The following NINL variants were observed in gnomAD, a reference collection of about 807,000 sequenced individuals.
NINL encodes the protein ninein like, also known as ninein-like protein.
A neutral mutation model predicts 160.3 loss-of-function variants in NINL; 153 were observed. The ratio of observed to expected loss-of-function variants is 0.95; its 90% CI spans 0.84 to 1.09. The LOEUF is 1.09. Ranked by LOEUF, NINL falls within the 50% of genes least tolerant of loss-of-function variation. The pLI is 0.00. For missense variants in NINL, 1,829 were observed against 1,764.0 expected (o/e 1.04, Z -0.66); for synonymous variants, 800 against 734.8 (o/e 1.09, Z -1.43).
At chr20:25,472,553 T>C (rs1446299248) in intron 17 of NINL, among the ~76,000 whole-genome samples, 7 of 148,484 alleles carry the variant, frequency 4.7e-5, no homozygotes, top group East Asian at 2.0e-4. Flanking sequence ...TTTTTTTTTT[T>C]CCCTTTTGCT....
intron 10 of NINL, among the ~76,000 whole-genome samples, chr20:25,495,396 G>A (rs2063731474): frequency 6.6e-6 from 1 of 152,202 alleles, no homozygotes; most frequent in African/African-American, 2.4e-5. Flanking sequence ...GCTCTTCTTT[G>A]CTAGCCACGC....
rs138226471 is a variant in NINL at position 25,477,469 on chromosome 20, T to G, written c.2202-380A>C. On this transcript the variant is annotated intron_variant, in intron 16 of 23. Transcript: ENST00000278886. The stretch of plus-strand genomic sequence containing the variant: ...ACATACGACGTGGCCCACACTGCAG[T>G]GGGTTCTACACGATAGCGCTGGAGA... Among the ~76,000 whole-genome samples, 593 of 152,252 alleles carry G rather than the reference T, an allele frequency of 3.9e-3. 3 individuals carry two copies. The highest frequency in any genetic ancestry group is 0.014 in the African/African-American group (568 of 41,546).
intron 5 of NINL, among the ~76,000 whole-genome samples, chr20:25,505,309 G>T (rs779427889): frequency 6.8e-6 from 1 of 147,850 alleles, no homozygotes; most frequent in Non-Finnish European, 1.5e-5. Flanking sequence ...GGTGGCTACA[G>T]AGCTGGGTGG....
At position 25,553,103 on chromosome 20, in the gene NINL, G is replaced by GTTTTTTTTTTTTT. The variant is rs760131174; in HGVS notation, c.-11-26506_-11-26505insAAAAAAAAAAAAA. On this transcript the variant is annotated intron_variant, in intron 1 of 23. Coordinates refer to ENST00000278886, the MANE Select transcript of NINL (RefSeq NM_025176.6). ...TGGAAGTTACTTCTCACCCTTGTTG[G>GTTTTTTTTTTTTT]GTTTTTTTTTTTTTTTTTGGAGATG... is the stretch of plus-strand genomic sequence containing the variant. 1.0e-4 allele frequency among the ~76,000 whole-genome samples: 6 copies of GTTTTTTTTTTTTT among 58,048 alleles called. 1 individual carries two copies. Among genetic ancestry groups the GTTTTTTTTTTTTT allele is most frequent in the South Asian group, 4.6e-4 (1 of 2,166 alleles). The allele number at this position is 58,048 out of a possible 152,430, so 38.1% of individuals were successfully genotyped here. A position where few individuals can be genotyped will look rare whatever the true frequency, so the allele number is the denominator to read the frequency against.
intron 13 of NINL, 66 bp downstream of exon 13, chr20:25,489,178 A>C (rs1228637856): frequency 6.9e-7 from 1 of 1,442,372 alleles, no homozygotes; most frequent in Non-Finnish European, 9.8e-7. Flanking sequence ...GTTACTGTGG[A>C]CCACCTGCGT....
chr20:25,555,951 A>G (rs1442293668), intron 1 of NINL, among the ~76,000 whole-genome samples: 2 of 151,244 alleles, frequency 1.3e-5, no homozygotes, highest in African/African-American at 4.9e-5. Flanking sequence ...CTGGGATTAT[A>G]AGCGTGAGCC....
chr20:25,556,599 T>C (rs1208520281), intron 1 of NINL, among the ~76,000 whole-genome samples: 2 of 151,828 alleles, frequency 1.3e-5, no homozygotes, highest in African/African-American at 4.8e-5. Context: ...TACTCCAACC[T>C]AGGCAACAGG....
chr20:25,565,136 C>T (rs142845869), intron 1 of NINL, among the ~76,000 whole-genome samples: 1 of 152,266 alleles, frequency 6.6e-6, no homozygotes, highest in Middle Eastern at 3.4e-3. Flanking sequence ...AAAATAAATC[C>T]CCCACTCTTC....
Position 25,559,279 on chromosome 20 carries a change from T to C in NINL, c.-12+26176A>G, listed in dbSNP as rs558600580. Among the ~76,000 whole-genome samples the C allele has an allele frequency of 1.6e-4, 25 of 152,290 alleles. No individual in the cohort carries two copies. In the South Asian group the frequency reaches 5.2e-3, roughly 32 times the overall value. On this transcript the variant is annotated intron_variant, in intron 1 of 23. Transcript: ENST00000278886. ...TTCTTTGAGATGGAGTCTCACTCTG[T>C]CGCCAGGCTGGAGTGCAGTGGCGCG...
intron 1 of NINL, among the ~76,000 whole-genome samples, chr20:25,581,019 T>C (rs2065168806): frequency 6.6e-6 from 1 of 152,258 alleles, no homozygotes; most frequent in African/African-American, 2.4e-5. Flanking sequence ...CGCTATTACC[T>C]GCAGCTAGGA....
intron 2 of NINL, among the ~76,000 whole-genome samples, chr20:25,519,327 C>T (rs2064221996): frequency 6.6e-6 from 1 of 152,082 alleles, no homozygotes; most frequent in Non-Finnish European, 1.5e-5. Context: ...TCACAAAATA[C>T]TATTTTTGGT....
At chr20:25,542,768 T>C (rs1189207123) in intron 1 of NINL, among the ~76,000 whole-genome samples, 1 of 113,064 alleles carries the variant, frequency 8.8e-6, no homozygotes, top group South Asian at 3.2e-4. Flanking sequence ...TGGTGGCTCA[T>C]GCCTATAATC....
intron 3 of NINL, among the ~76,000 whole-genome samples, chr20:25,516,440 T>C (rs1393891213): frequency 6.6e-6 from 1 of 152,198 alleles, no homozygotes; most frequent in Admixed American, 6.5e-5. Flanking sequence ...TCCGAACAGT[T>C]TGTTGTTTCT....
chr20:25,555,355 T>A (rs1159767556), intron 1 of NINL, among the ~76,000 whole-genome samples: 3 of 152,202 alleles, frequency 2.0e-5, no homozygotes, highest in Non-Finnish European at 4.4e-5. Context: ...TTTTGATGGA[T>A]ATAGCCAAAT....
chr20:25,542,296 T>G (rs1179604925), intron 1 of NINL, among the ~76,000 whole-genome samples: 1 of 152,110 alleles, frequency 6.6e-6, no homozygotes, highest in Non-Finnish European at 1.5e-5. Context: ...CTTTGTCAGG[T>G]CACTGGCTGA....
At chr20:25,463,139 C>T (rs2062833150) in intron 19 of NINL, among the ~76,000 whole-genome samples, 1 of 152,006 alleles carries the variant, frequency 6.6e-6, no homozygotes, top group South Asian at 2.1e-4. Context: ...TGATTTGGCC[C>T]CAAACGTCAC....
intron 1 of NINL, among the ~76,000 whole-genome samples, chr20:25,546,449 C>CA (rs907590130): frequency 2.0e-5 from 3 of 151,884 alleles, no homozygotes; most frequent in Non-Finnish European, 4.4e-5. Context: ...AAATTTAACC[C>CA]AAAAAAGATC....
intron 16 of NINL, 106 bp from the exon 17 acceptor site, chr20:25,477,195 G>C (rs1362343052): frequency 2.8e-5 from 31 of 1,126,478 alleles, no homozygotes; most frequent in Non-Finnish European, 3.7e-6. Context: ...CCTCTCTGTG[G>C]TTGGCTTTCT....
At chr20:25,489,843 T>G in intron 12 of NINL, 32 bp downstream of exon 12, 1 of 1,398,114 alleles carries the variant, frequency 7.2e-7, no homozygotes, top group Non-Finnish European at 1.0e-6. Flanking sequence ...GGCCCTCCCC[T>G]CTGGAGGCAG....
Sources: gnomAD v4.1 joint callset for allele counts (sites outside exome capture counted in the v4.1 genomes callset) on GRCh38, gnomAD v4.1.1 for gene constraint, MANE v1.5 for transcripts, NCBI Gene and HGNC (gene_info 2026-07-23, HGNC 2026-07-21) for gene names.